The following PCDH15 variants were observed in gnomAD, a reference collection of about 807,000 sequenced individuals.
The protein encoded by PCDH15 is protocadherin related 15, also known as protocadherin-15.
PCDH15 carries 129 observed loss-of-function variants against 178.5 expected under a neutral mutation model. The observed-to-expected ratio is 0.72, with a 90% CI of 0.63 to 0.84. The LOEUF is 0.84. Ranked by LOEUF, PCDH15 falls within the 40% of genes least tolerant of loss-of-function variation. The probability of loss-of-function intolerance (pLI) is 0.00; values close to 1 mark genes in which losing one functional copy is unlikely to be tolerated. For synonymous variants in PCDH15, 800 were observed against 732.0 expected (o/e 1.09, Z -1.50); for missense variants, 2,230 against 2,099.9 (o/e 1.06, Z -1.21).
intron 2 of PCDH15, among the ~76,000 whole-genome samples, chr10:54,966,718 T>A (rs754863811): frequency 1.3e-5 from 2 of 152,082 alleles, no homozygotes; most frequent in Non-Finnish European, 2.9e-5. Context: ...GATGTTTTTA[T>A]AAGTGGTTTC....
chr10:55,495,127 T>C (rs569095847), intron 2 of PCDH15, among the ~76,000 whole-genome samples: 12 of 151,878 alleles, frequency 7.9e-5, no homozygotes, highest in South Asian at 4.1e-4. Flanking sequence ...CCTAAATATG[T>C]ATGAGTTAAA....
rs374591894 is a variant in PCDH15 at position 54,291,298 on chromosome 10, GA to G, written c.876+25972del. Among the ~76,000 whole-genome samples the G allele has an allele frequency of 1.6e-3, 240 of 152,300 alleles. 1 individual carries two copies. The highest frequency in any genetic ancestry group is 3.5e-3 in the African/African-American group (145 of 41,568). On this transcript the variant is annotated intron_variant, in intron 8 of 37. Coordinates refer to ENST00000644397, the MANE Select transcript of PCDH15 (RefSeq NM_001384140.1). ...GTGAGAGAAAAGACACAACATTCCA[GA>G]ATCTCTGGGACACATTTAAAGCAAT...
At chr10:55,165,013 A>G (rs1839160955) in intron 2 of PCDH15, among the ~76,000 whole-genome samples, 1 of 152,064 alleles carries the variant, frequency 6.6e-6, no homozygotes, top group Admixed American at 6.6e-5. Flanking sequence ...TGCATATGAA[A>G]ACATATGAAC....
intron 15 of PCDH15, among the ~76,000 whole-genome samples, chr10:54,127,457 G>T (rs2042079010): frequency 6.6e-6 from 1 of 152,142 alleles, no homozygotes; most frequent in African/African-American, 2.4e-5. Context: ...AAGTGTTAAA[G>T]GAACTAAGAA....
chr10:54,122,623 G>A (rs1359884458), intron 15 of PCDH15, among the ~76,000 whole-genome samples: 2 of 151,830 alleles, frequency 1.3e-5, no homozygotes, highest in Non-Finnish European at 2.9e-5. Context: ...GCCTTCACTG[G>A]TGATATGATT....
intron 1 of PCDH15, among the ~76,000 whole-genome samples, chr10:54,696,917 A>G (rs1338789349): frequency 1.3e-5 from 2 of 152,056 alleles, no homozygotes; most frequent in African/African-American, 4.8e-5. Context: ...TCCCCTGACC[A>G]TCAGGCTGTC....
chr10:55,394,557 C>A (rs1837876430), intron 2 of PCDH15, among the ~76,000 whole-genome samples: 1 of 152,006 alleles, frequency 6.6e-6, no homozygotes. Flanking sequence ...GCCTCCAATT[C>A]TAGTCCTACC....
intron 3 of PCDH15, among the ~76,000 whole-genome samples, chr10:54,842,526 T>G (rs1953437757): frequency 6.6e-6 from 1 of 151,904 alleles, no homozygotes; most frequent in Non-Finnish European, 1.5e-5. Flanking sequence ...AATTTTAAAA[T>G]ATGTTTTGAA....
intron 3 of PCDH15, among the ~76,000 whole-genome samples, chr10:54,812,852 GCCTCCCAAAGTGCTTCCTCT>G (rs1426678614): frequency 6.6e-6 from 1 of 152,094 alleles, no homozygotes; most frequent in African/African-American, 2.4e-5. Context: ...ACCCATCTCA[GCCTCCCAAAGTGCTTCCTCT>G]CTTTAAATAG....
intron 3 of PCDH15, among the ~76,000 whole-genome samples, chr10:54,503,264 T>TGTGTGTGTGTGTGA (rs35648214): frequency 0.018 from 2,411 of 137,328 alleles, 62 homozygotes; most frequent in East Asian, 0.077. Context: ...TGTGTGTGTG[T>TGTGTGTGTGTGTGA]GATTATATAT....
At chr10:54,506,747 T>G (rs531259886) in intron 3 of PCDH15, among the ~76,000 whole-genome samples, 4 of 152,154 alleles carry the variant, frequency 2.6e-5, no homozygotes, top group Admixed American at 2.6e-4. Flanking sequence ...AGCCAATTAT[T>G]AACTCATTAG....
At chr10:54,086,059 G>C (rs2094511058) in intron 16 of PCDH15, among the ~76,000 whole-genome samples, 1 of 152,084 alleles carries the variant, frequency 6.6e-6, no homozygotes, top group African/African-American at 2.4e-5. Flanking sequence ...TAGTCCATTT[G>C]TGTTGCTATA....
At chr10:54,851,058 A>T (rs1953612582) in intron 3 of PCDH15, among the ~76,000 whole-genome samples, 1 of 152,174 alleles carries the variant, frequency 6.6e-6, no homozygotes, top group African/African-American at 2.4e-5. Flanking sequence ...CTGATCATAA[A>T]TATGATCTTT....
intron 3 of PCDH15, among the ~76,000 whole-genome samples, chr10:54,409,160 G>A (rs1158800110): frequency 2.0e-5 from 3 of 152,126 alleles, no homozygotes; most frequent in Non-Finnish European, 2.9e-5. Context: ...ATGATTGTAA[G>A]GCCTCCCCAG....
At chr10:54,467,601 G>GTTT (rs67776985) in intron 3 of PCDH15, among the ~76,000 whole-genome samples, 27 of 45,668 alleles carry the variant, frequency 5.9e-4, no homozygotes, top group Non-Finnish European at 7.7e-4. Flanking sequence ...TCAAGCTGTA[G>GTTT]TTTTTTTTTT....
chr10:55,286,472 G>A (rs540545996), intron 1 of PCDH15, among the ~76,000 whole-genome samples: 14 of 150,456 alleles, frequency 9.3e-5, no homozygotes, highest in Non-Finnish European at 1.8e-4. Context: ...CATTAGGTTT[G>A]GTCATATCTG....
intron 2 of PCDH15, among the ~76,000 whole-genome samples, chr10:55,543,598 C>G (rs1841811424): frequency 6.6e-6 from 1 of 150,942 alleles, no homozygotes; most frequent in African/African-American, 2.4e-5. Context: ...AATCACATAC[C>G]TTATAAGGAG....
At position 54,382,216 on chromosome 10, in the gene PCDH15, A is replaced by G. The variant is rs146778575; in HGVS notation, c.158-3274T>C. Reference sequence around the variant, plus strand: ...ATTTACCTCTAGGGACGTTTTTTATAAAAATGGAAAACTTCCTCTTTCATT... The same window carrying G: ...ATTTACCTCTAGGGACGTTTTTTATGAAAATGGAAAACTTCCTCTTTCATT... On this transcript the variant is annotated intron_variant, in intron 3 of 37. Transcript: ENST00000644397. 4.9e-3 allele frequency among the ~76,000 whole-genome samples: 748 copies of G among 152,210 alleles called. 8 individuals are homozygous for G. The highest frequency in any genetic ancestry group is 0.017 in the African/African-American group (694 of 41,542).
intron 11 of PCDH15, among the ~76,000 whole-genome samples, chr10:54,189,929 G>C (rs1003997497): frequency 3.9e-5 from 3 of 76,688 alleles, no homozygotes; most frequent in African/African-American, 1.3e-4. Context: ...ATGTGTATGT[G>C]TGTGTGTGTG....
Sources: gnomAD v4.1 joint callset for allele counts (sites outside exome capture counted in the v4.1 genomes callset) on GRCh38, gnomAD v4.1.1 for gene constraint, MANE v1.5 for transcripts, NCBI Gene and HGNC (gene_info 2026-07-23, HGNC 2026-07-21) for gene names.